LCLAT1: variants seen among roughly 807,000 people sequenced by gnomAD.
LCLAT1 encodes the protein 1-AGP acyltransferase 8.
A neutral mutation model predicts 30.7 loss-of-function variants in LCLAT1; 11 were observed. The ratio of observed to expected loss-of-function variants is 0.36; its 90% CI spans 0.23 to 0.59. LCLAT1 has a LOEUF of 0.59. Among genes scored for constraint, LCLAT1 ranks in the 20% least tolerant of loss-of-function variants. The probability of loss-of-function intolerance (pLI) is 0.77; values close to 1 mark genes in which losing one functional copy is unlikely to be tolerated. For missense variants in LCLAT1, 402 were observed against 458.6 expected (o/e 0.88, Z 1.13); for synonymous variants, 155 against 151.3 (o/e 1.02, Z -0.18).
chr2:30,497,848 A>G (rs1205337905), intron 1 of LCLAT1, among the ~76,000 whole-genome samples: 2 of 152,242 alleles, frequency 1.3e-5, no homozygotes, highest in Non-Finnish European at 2.9e-5. Flanking sequence ...CTGTGATACA[A>G]TTTTGAACAA....
At chr2:30,523,262 C>T (rs829631) in intron 1 of LCLAT1, among the ~76,000 whole-genome samples, 105,467 of 142,062 alleles carry the variant, frequency 0.74, 39,028 homozygotes, top group East Asian at 0.88. Context: ...TTAAGATGTT[C>T]GTAGGTTTTT....
Position 30,551,042 on chromosome 2 carries a change from G to C in LCLAT1, c.365-11104G>C, listed in dbSNP as rs1034629297. On this transcript the variant is annotated intron_variant, in intron 3 of 5. Transcript: ENST00000379509. ...CATCCAGGTTGGTGTGCGGTGGTGC[G>C]TTCACAGCTCACTGCATCCTTGACC... 6.6e-5 allele frequency among the ~76,000 whole-genome samples: 10 copies of C among 152,064 alleles called. No individual in the cohort carries two copies. In the South Asian group the frequency reaches 1.9e-3, roughly 28 times the overall value.
intron 1 of LCLAT1, among the ~76,000 whole-genome samples, chr2:30,493,594 G>C (rs1263579752): frequency 6.6e-6 from 1 of 152,072 alleles, no homozygotes; most frequent in Non-Finnish European, 1.5e-5. Context: ...TATGTGTGTA[G>C]TTGTGTAACC....
intron 1 of LCLAT1, among the ~76,000 whole-genome samples, chr2:30,500,016 A>T (rs1386723489): frequency 6.6e-6 from 1 of 152,202 alleles, no homozygotes; most frequent in Non-Finnish European, 1.5e-5. Context: ...TGACCCTGTT[A>T]TTATTTGTAC....
intron 1 of LCLAT1, among the ~76,000 whole-genome samples, chr2:30,502,737 G>A (rs573003733): frequency 6.6e-6 from 1 of 152,150 alleles, no homozygotes; most frequent in South Asian, 2.1e-4. Context: ...AATATCTACT[G>A]ATAGATATAC....
chr2:30,521,492 CTTTTTTTTTTTTTTTTTTT>C (rs869093721), intron 1 of LCLAT1, among the ~76,000 whole-genome samples: 1 of 16,816 alleles, frequency 5.9e-5, no homozygotes, highest in Non-Finnish European at 1.1e-4. Flanking sequence ...ACTACTTCTT[CTTTTTTTTTTTTTTTTTTT>C]TTTTTTTTTT....
At position 30,640,132 on chromosome 2, in the gene LCLAT1, C is replaced by A; in HGVS notation, c.644C>A (p.Ala215Asp). The A allele has an allele frequency of 1.2e-6, 2 of 1,610,866 alleles. No homozygotes were observed. Among genetic ancestry groups the A allele is most frequent in the Non-Finnish European group, 1.7e-6 (2 of 1,178,882 alleles). Residue 215 changes from alanine to aspartate, a missense_variant, in exon 6 of 6, where the codon GCT becomes GAT. Transcript: ENST00000379509. The part of the protein sequence containing the change: ...DRLREGKNLD[A>D]VHDITVAYPH... ...CGAAACCCAGGTAAGAACCTTGATG[C>A]TGTCCATGATATCACTGTGGCGTAT...
At chr2:30,460,203 A>G (rs1297799490) in intron 1 of LCLAT1, among the ~76,000 whole-genome samples, 6 of 152,034 alleles carry the variant, frequency 3.9e-5, no homozygotes, top group Non-Finnish European at 8.8e-5. Flanking sequence ...ATAACTGACA[A>G]CTGATTCTGG....
intron 3 of LCLAT1, among the ~76,000 whole-genome samples, chr2:30,551,206 T>C (rs1664661763): frequency 6.6e-6 from 1 of 152,168 alleles, no homozygotes; most frequent in South Asian, 2.1e-4. Context: ...TGGGTATCGC[T>C]ACATTGCCCA....
intron 5 of LCLAT1, among the ~76,000 whole-genome samples, chr2:30,628,267 A>G (rs940888247): frequency 4.6e-5 from 7 of 152,254 alleles, no homozygotes; most frequent in Admixed American, 2.6e-4. Flanking sequence ...AAGACATAAA[A>G]TAAGATTTGA....
chr2:30,535,042 C>A (rs981916242), intron 3 of LCLAT1, among the ~76,000 whole-genome samples: 3 of 152,048 alleles, frequency 2.0e-5, no homozygotes, highest in Admixed American at 1.3e-4. Context: ...CAAAATCTGA[C>A]ATTAACAGAA....
intron 5 of LCLAT1, among the ~76,000 whole-genome samples, chr2:30,581,627 G>A (rs150862950): frequency 0.014 from 2,183 of 152,262 alleles, 28 homozygotes; most frequent in Non-Finnish European, 0.021. Context: ...TGACCCTGGA[G>A]CACATAATGT....
chr2:30,559,851 T>C (rs930094853), intron 3 of LCLAT1, among the ~76,000 whole-genome samples: 1 of 152,246 alleles, frequency 6.6e-6, no homozygotes, highest in Non-Finnish European at 1.5e-5. Context: ...CATTTTACAA[T>C]CCTTGATGTA....
chr2:30,506,256 T>C (rs958485793), intron 1 of LCLAT1, among the ~76,000 whole-genome samples: 1 of 152,162 alleles, frequency 6.6e-6, no homozygotes, highest in South Asian at 2.1e-4. Flanking sequence ...TTTCCTGTTG[T>C]CTGTTTGTTT....
intron 5 of LCLAT1, among the ~76,000 whole-genome samples, chr2:30,568,505 C>CTTTTTTTTT (rs35285466): frequency 2.3e-5 from 2 of 85,362 alleles, no homozygotes; most frequent in African/African-American, 4.8e-5. Flanking sequence ...GTCTTTCTTT[C>CTTTTTTTTT]TTTTTTTTTT....
chr2:30,549,276 G>A (rs1664569984), intron 3 of LCLAT1, among the ~76,000 whole-genome samples: 1 of 152,096 alleles, frequency 6.6e-6, no homozygotes, highest in South Asian at 2.1e-4. Context: ...TCCTGTTGAT[G>A]TGTACTATTT....
Position 30,576,433 on chromosome 2 carries a change from A to G in LCLAT1, c.628+8257A>G, listed in dbSNP as rs1395442213. Reference sequence around the variant, plus strand: ...ACTCATTGTGTGGCAGATGGGCACTACATGTTTATGTACTTAGAATCTCGT... The same window carrying G: ...ACTCATTGTGTGGCAGATGGGCACTGCATGTTTATGTACTTAGAATCTCGT... On this transcript the variant is annotated intron_variant, in intron 5 of 5. Coordinates refer to ENST00000379509, the MANE Select transcript of LCLAT1 (RefSeq NM_001002257.3). 2.6e-5 allele frequency among the ~76,000 whole-genome samples: 4 copies of G among 152,174 alleles called. No individual in the cohort carries two copies. In the East Asian group the frequency reaches 7.7e-4, roughly 29 times the overall value.
At chr2:30,513,292 G>A (rs1685026063) in intron 1 of LCLAT1, among the ~76,000 whole-genome samples, 2 of 151,500 alleles carry the variant, frequency 1.3e-5, no homozygotes, top group African/African-American at 4.8e-5. Context: ...TTAACTATAT[G>A]TATTTAAATA....
intron 1 of LCLAT1, among the ~76,000 whole-genome samples, chr2:30,508,608 T>G (rs890030601): frequency 6.6e-6 from 1 of 152,204 alleles, no homozygotes. Context: ...TCCATTGGTC[T>G]ATGTGTCTGT....
Sources: gnomAD v4.1 joint callset for allele counts (sites outside exome capture counted in the v4.1 genomes callset) on GRCh38, gnomAD v4.1.1 for gene constraint, MANE v1.5 for transcripts, NCBI Gene and HGNC (gene_info 2026-07-23, HGNC 2026-07-21) for gene names.